NTRK2: variants seen among roughly 807,000 people sequenced by gnomAD.
The protein encoded by NTRK2 is neurotrophic receptor tyrosine kinase 2, also known as BDNF/NT-3 growth factors receptor.
Under a neutral mutation model 94.5 loss-of-function variants are expected in NTRK2, and 13 were observed. The observed-to-expected ratio is 0.14, with a 90% CI of 0.09 to 0.22. NTRK2 has a LOEUF of 0.22. Ranked by LOEUF, NTRK2 falls within the 10% of genes least tolerant of loss-of-function variation. The pLI, the probability that NTRK2 is intolerant of heterozygous loss-of-function variation, is 1.00. For missense variants in NTRK2, 639 were observed against 1,071.2 expected (o/e 0.60, Z 5.63); for synonymous variants, 372 against 407.4 (o/e 0.91, Z 1.05).
intron 17 of NTRK2, among the ~76,000 whole-genome samples, chr9:84,956,416 G>A (rs1824131547): frequency 1.3e-5 from 2 of 152,200 alleles, no homozygotes; most frequent in African/African-American, 4.8e-5. Context: ...ACTCGGACAT[G>A]AGAGAAAAGG....
chr9:84,865,871 A>T (rs542511385), intron 13 of NTRK2, among the ~76,000 whole-genome samples: 1 of 152,338 alleles, frequency 6.6e-6, no homozygotes, highest in South Asian at 2.1e-4. Context: ...GTCATGAGCC[A>T]CTGCCGTCTT....
chr9:84,699,567 T>C (rs1288887748), intron 2 of NTRK2, among the ~76,000 whole-genome samples: 1 of 152,096 alleles, frequency 6.6e-6, no homozygotes, highest in Non-Finnish European at 1.5e-5. Context: ...TTTCATCTCA[T>C]GAATACTGTG....
intron 17 of NTRK2, among the ~76,000 whole-genome samples, chr9:84,987,589 G>C (rs1828483841): frequency 1.3e-5 from 2 of 152,132 alleles, no homozygotes; most frequent in African/African-American, 4.8e-5. Context: ...TGAAAAATCA[G>C]TGACACCAAG....
intron 14 of NTRK2, among the ~76,000 whole-genome samples, chr9:84,888,718 C>A (rs2076497959): frequency 6.8e-6 from 1 of 146,806 alleles, no homozygotes; most frequent in African/African-American, 2.5e-5. Flanking sequence ...CTGTCTTTAC[C>A]TTTTTGTAAC....
At chr9:84,726,476 G>T (rs1205729652) in intron 8 of NTRK2, among the ~76,000 whole-genome samples, 8 of 152,034 alleles carry the variant, frequency 5.3e-5, no homozygotes, top group Non-Finnish European at 1.0e-4. Context: ...GGCAGAGTGA[G>T]AATCTGTCTA....
At chr9:84,903,088 C>T (rs908289445) in intron 14 of NTRK2, among the ~76,000 whole-genome samples, 17 of 152,112 alleles carry the variant, frequency 1.1e-4, no homozygotes, top group East Asian at 3.8e-4. Flanking sequence ...AATCTGTACA[C>T]GTAACTATTT....
chr9:84,847,956 AG>A (rs2074551343), intron 12 of NTRK2, among the ~76,000 whole-genome samples: 1 of 152,188 alleles, frequency 6.6e-6, no homozygotes, highest in South Asian at 2.1e-4. Context: ...GGAGGCTACA[AG>A]TCCATGATCA....
At chr9:84,971,515 T>C (rs1273995892) in intron 17 of NTRK2, among the ~76,000 whole-genome samples, 1 of 152,120 alleles carries the variant, frequency 6.6e-6, no homozygotes, top group East Asian at 1.9e-4. Context: ...GAGGAAACAA[T>C]GAGCAGGAAG....
At chr9:84,872,072 A>T (rs1211060367) in intron 14 of NTRK2, 1 of 1,369,384 alleles carries the variant, frequency 7.3e-7, no homozygotes, top group East Asian at 2.8e-5. Flanking sequence ...ATCAATCAGG[A>T]TGGCAAGATG....
At chr9:84,864,482 C>T (rs189231843) in intron 13 of NTRK2, among the ~76,000 whole-genome samples, 50 of 152,156 alleles carry the variant, frequency 3.3e-4, no homozygotes. Context: ...ATCACCTGTT[C>T]CCCAAACAAC....
chr9:84,870,795 C>T (rs1379457849), intron 14 of NTRK2, among the ~76,000 whole-genome samples: 2 of 152,130 alleles, frequency 1.3e-5, no homozygotes, highest in Admixed American at 6.6e-5. Flanking sequence ...AGTACAATAT[C>T]GCTATTCTTA....
chr9:84,693,679 G>C (rs994312006), intron 2 of NTRK2, among the ~76,000 whole-genome samples: 1 of 152,092 alleles, frequency 6.6e-6, no homozygotes, highest in South Asian at 2.1e-4. Flanking sequence ...TGTGCAGTCT[G>C]GTTTTCTAAT....
chr9:84,823,262 TATTTC>T (rs1209594155), intron 12 of NTRK2, among the ~76,000 whole-genome samples: 1 of 152,240 alleles, frequency 6.6e-6, no homozygotes, highest in Non-Finnish European at 1.5e-5. Context: ...GAGTGATTTT[TATTTC>T]ATTTCATTTT....
At chr9:84,916,140 G>T (rs1418797893) in intron 14 of NTRK2, among the ~76,000 whole-genome samples, 1 of 151,908 alleles carries the variant, frequency 6.6e-6, no homozygotes, top group Non-Finnish European at 1.5e-5. Flanking sequence ...CAGTGTAGTT[G>T]CTGGATCATA....
chr9:84,796,435 C>A (rs2069334901), intron 12 of NTRK2, among the ~76,000 whole-genome samples: 1 of 152,098 alleles, frequency 6.6e-6, no homozygotes, highest in Non-Finnish European at 1.5e-5. Context: ...CACTTAGTTT[C>A]AAGAGGTGCT....
intron 9 of NTRK2, among the ~76,000 whole-genome samples, chr9:84,741,267 T>G (rs2063628619): frequency 6.6e-6 from 1 of 152,350 alleles, no homozygotes; most frequent in Non-Finnish European, 1.5e-5. Flanking sequence ...CTCTCTGACA[T>G]ACCATTTTTT....
rs191084883 is a variant in NTRK2, at chr9:84,689,956, A to T, written c.213-12203A>T. Among the ~76,000 whole-genome samples the T allele has an allele frequency of 2.0e-5, 3 of 152,306 alleles. No homozygotes were observed. The East Asian group carries it at 5.8e-4, about 29-fold the overall frequency. ...TTGTTTAGGACTTTTACAGCTATTC[A>T]TGCTTTCCTTTTGCAAAATAACTTA... is the stretch of plus-strand genomic sequence containing the variant. On this transcript the variant is annotated intron_variant, in intron 2 of 18. Coordinates refer to ENST00000277120, the MANE Select transcript of NTRK2 (RefSeq NM_006180.6).
At chr9:84,944,265 T>C (rs2078520723) in intron 15 of NTRK2, among the ~76,000 whole-genome samples, 1 of 122,792 alleles carries the variant, frequency 8.1e-6, no homozygotes, top group South Asian at 2.5e-4. Flanking sequence ...TCTAGCATTC[T>C]TTTTTTTTTT....
intron 9 of NTRK2, among the ~76,000 whole-genome samples, chr9:84,730,783 C>CAAAAAAAAAAAAAAAAAAAAAAAA: frequency 2.1e-4 from 5 of 24,138 alleles, no homozygotes; most frequent in Non-Finnish European, 2.7e-4. Context: ...AAACAAATAG[C>CAAAAAAAAAAAAAAAAAAAAAAAA]AAAAAAAAAA....
Sources: allele counts gnomAD v4.1 joint callset (sites outside exome capture counted in the v4.1 genomes callset), GRCh38; gene constraint gnomAD v4.1.1; transcripts MANE v1.5; gene names NCBI Gene and HGNC (gene_info 2026-07-23, HGNC 2026-07-21).